Variants in RNF212 observed in about 807,000 individuals in gnomAD.
RNF212 encodes probable E3 SUMO-protein ligase RNF212.
In RNF212, 33 loss-of-function variants were observed where a neutral mutation model predicts 34.7. That is an observed-to-expected ratio of 0.95 (90% confidence interval 0.72 to 1.27). RNF212 has a LOEUF of 1.27. Ranked by LOEUF, RNF212 falls within the 50% of genes most tolerant of loss-of-function variation. The pLI is 0.00. For synonymous variants in RNF212, 140 were observed against 136.1 expected (o/e 1.03, Z -0.20); for missense variants, 377 against 362.2 (o/e 1.04, Z -0.33).
chr4:1,057,543 C>G (rs1452907048), intron 4 of RNF212, among the ~76,000 whole-genome samples: 1 of 152,120 alleles, frequency 6.6e-6, no homozygotes, highest in Non-Finnish European at 1.5e-5. Context: ...TTTACTGGAA[C>G]CCAGCCACAC....
intron 5 of RNF212, among the ~76,000 whole-genome samples, chr4:1,082,980 C>A (rs554856375): frequency 6.6e-6 from 1 of 152,172 alleles, no homozygotes; most frequent in African/African-American, 2.4e-5. Flanking sequence ...GTGGGTGGCA[C>A]GAACGCCACC....
intron 3 of RNF212, among the ~76,000 whole-genome samples, chr4:1,095,804 AC>A (rs1553810450): frequency 1.5e-5 from 1 of 67,684 alleles, no homozygotes; most frequent in Non-Finnish European, 2.6e-5. Flanking sequence ...AACCAAGCAC[AC>A]CCCCCACAGC....
rs1722673663 is a variant in RNF212, at chr4:1,094,159, C to A, written c.246+2606G>T. On this transcript the variant is annotated intron_variant, in intron 3 of 9. Coordinates refer to ENST00000433731, the MANE Select transcript of RNF212 (RefSeq NM_001131034.4). ...CCATCCTCAGTCTCCTGCCTCAGAT[C>A]CTGGCTGCCCCCACTAGGCCTCTTT... 3 of 1,091,204 alleles carry A rather than the reference C, an allele frequency of 2.7e-6. No individual in the cohort carries two copies. In the South Asian group the frequency reaches 5.0e-5, roughly 18 times the overall value. The allele number at this position is 1,091,204 out of a possible 1,614,324, so 67.6% of individuals were successfully genotyped here.
Position 1,072,788 on chromosome 4 carries a change from A to G in RNF212, c.*86T>C, listed in dbSNP as rs1195505111. 6.8e-7 allele frequency: 1 copy of G among 1,469,352 alleles called. No individual in the cohort carries two copies. Among genetic ancestry groups the G allele is most frequent in the Admixed American group, 2.5e-5 (1 of 39,698 alleles). 91.0% of individuals were successfully genotyped at this position (1,469,352 alleles called of 1,614,324 possible). On this transcript the variant is annotated 3_prime_UTR_variant, in exon 10 of 10. Coordinates refer to ENST00000433731, the MANE Select transcript of RNF212 (RefSeq NM_001131034.4). ...ACTGAGGGCTTCCACATAAATGACA[A>G]AGGAATAAAGCAGATAATTTGTAGA...
chr4:1,099,632 T>C (rs952352174), intron 2 of RNF212: 16 of 427,016 alleles, frequency 3.7e-5, no homozygotes, highest in Non-Finnish European at 7.1e-5. Flanking sequence ...CACAAACGAA[T>C]GTTTTCTTTT....
chr4:1,086,513 G>T (rs1449136479), intron 4 of RNF212, among the ~76,000 whole-genome samples: 1 of 140,522 alleles, frequency 7.1e-6, no homozygotes, highest in East Asian at 2.1e-4. Flanking sequence ...AAGCCTCCAG[G>T]CAGGGTTTTG....
chr4:1,103,149 G>T (rs567659388), intron 2 of RNF212, among the ~76,000 whole-genome samples: 82 of 152,206 alleles, frequency 5.4e-4, no homozygotes, highest in Non-Finnish European at 8.5e-4. Context: ...AAATTCCAAC[G>T]AAATGCACTA....
At chr4:1,109,309 A>G (rs890103802) in intron 1 of RNF212, among the ~76,000 whole-genome samples, 12 of 152,214 alleles carry the variant, frequency 7.9e-5, no homozygotes, top group African/African-American at 1.2e-4. Flanking sequence ...TGCCCAGCCT[A>G]TGATTAGGCT....
intron 3 of RNF212, among the ~76,000 whole-genome samples, chr4:1,063,665 A>G (rs6814276): frequency 0.17 from 25,651 of 149,164 alleles, 3,433 homozygotes; most frequent in African/African-American, 0.38. Flanking sequence ...ATTGCACTCC[A>G]GCTTGGGCAA....
At chr4:1,082,956 CAAT>C (rs561127426) in intron 5 of RNF212, among the ~76,000 whole-genome samples, 41 of 152,256 alleles carry the variant, frequency 2.7e-4, no homozygotes, top group South Asian at 8.3e-4. Flanking sequence ...ACAAAAACAA[CAAT>C]GACAACAAAA....
At chr4:1,059,040 C>T (rs530792801) in intron 3 of RNF212, among the ~76,000 whole-genome samples, 1 of 152,364 alleles carries the variant, frequency 6.6e-6, no homozygotes, top group East Asian at 1.9e-4. Flanking sequence ...TCTCAAGCAA[C>T]ACCTGCTCCT....
chr4:1,056,489 C>T, exon 5 of RNF212: 11 of 985,816 alleles, frequency 1.1e-5, no homozygotes, highest in Non-Finnish European at 1.3e-5. Context: ...TTTGAAATGA[C>T]TTCAAAACTT....
intron 3 of RNF212, among the ~76,000 whole-genome samples, chr4:1,092,551 C>T (rs1022837882): frequency 1.3e-5 from 2 of 152,198 alleles, no homozygotes; most frequent in African/African-American, 2.4e-5. Context: ...AGACTTGAGA[C>T]ACTGGGTGTG....
At chr4:1,079,202 C>G (rs1233173908) in intron 8 of RNF212, among the ~76,000 whole-genome samples, 2 of 150,640 alleles carry the variant, frequency 1.3e-5, no homozygotes, top group Non-Finnish European at 3.0e-5. Context: ...CAACATGGGA[C>G]CAACATAGAG....
intron 4 of RNF212, among the ~76,000 whole-genome samples, chr4:1,086,564 G>A (rs1218768832): frequency 1.0e-5 from 1 of 99,118 alleles, no homozygotes; most frequent in Non-Finnish European, 2.0e-5. Context: ...GGTGGCCTAG[G>A]AGGGGTAGGG....
intron 2 of RNF212, among the ~76,000 whole-genome samples, chr4:1,105,056 G>A (rs1230691411): frequency 1.3e-5 from 2 of 152,166 alleles, no homozygotes; most frequent in African/African-American, 4.8e-5. Context: ...CAAGTGAAGC[G>A]AGGCAGAAGT....
chr4:1,062,745 G>T (rs1359616188), intron 3 of RNF212, among the ~76,000 whole-genome samples: 1 of 152,106 alleles, frequency 6.6e-6, no homozygotes, highest in Non-Finnish European at 1.5e-5. Context: ...AAGGCATCGT[G>T]GTTGGAAAGG....
intron 2 of RNF212, chr4:1,101,220 C>T: frequency 3.6e-6 from 1 of 281,130 alleles, no homozygotes; most frequent in Non-Finnish European, 7.1e-6. Context: ...GCCGTGGTGG[C>T]ATCTCTACAC....
intron 3 of RNF212, among the ~76,000 whole-genome samples, chr4:1,064,140 G>A (rs2153033217): frequency 6.6e-6 from 1 of 152,218 alleles, no homozygotes; most frequent in Middle Eastern, 3.4e-3. Context: ...AGGTCTTTAA[G>A]AAACATAAGT....
Sources: gnomAD v4.1 joint callset for allele counts (sites outside exome capture counted in the v4.1 genomes callset) on GRCh38, gnomAD v4.1.1 for gene constraint, MANE v1.5 for transcripts, NCBI Gene and HGNC (gene_info 2026-07-23, HGNC 2026-07-21) for gene names.